Variants in KCTD16 observed in about 807,000 individuals in gnomAD.
The protein encoded by KCTD16 is potassium channel tetramerization domain containing 16.
A neutral mutation model predicts 33.2 loss-of-function variants in KCTD16; 13 were observed. The ratio of observed to expected loss-of-function variants is 0.39; its 90% CI spans 0.25 to 0.62. The LOEUF (loss-of-function observed/expected upper bound fraction) is 0.62. KCTD16 is among the 20% of genes least tolerant of loss of function. The pLI is 0.50. For missense variants in KCTD16, 441 were observed against 525.1 expected (o/e 0.84, Z 1.57); for synonymous variants, 197 against 195.3 (o/e 1.01, Z -0.07).
In KCTD16 at chr5:144,473,988, A is replaced by G; in HGVS notation, c.1161A>G (p.Glu387=). The change falls in exon 4 of 4, where the codon GAA becomes GAG. Residue 387 remains glutamate (E), a synonymous_variant. Coordinates refer to ENST00000512467, the MANE Select transcript of KCTD16 (RefSeq NM_020768.4). ...GCAGCAAAAAAAAAGCTGTTAAAGA[A>G]AAGCTCTCAATTGAGGAGGAGCTGG... ...NMSSKKKAVK[E]KLSIEEELEK... 1 of 1,614,120 alleles carries G rather than the reference A, an allele frequency of 6.2e-7. No individual in the cohort carries two copies. Among genetic ancestry groups the G allele is most frequent in the Admixed American group, 1.7e-5 (1 of 60,028 alleles).
chr5:144,473,579 C>A (rs1754526452), intron 3 of KCTD16, 81 bp from the exon 4 acceptor site: 2 of 1,263,036 alleles, frequency 1.6e-6, no homozygotes, highest in African/African-American at 1.5e-5. Context: ...ATGTGTGTTT[C>A]TGTGTATGTC....
intron 3 of KCTD16, among the ~76,000 whole-genome samples, chr5:144,301,039 G>C (rs757498589): frequency 6.6e-6 from 1 of 151,996 alleles, no homozygotes; most frequent in Non-Finnish European, 1.5e-5. Flanking sequence ...TCAAGAGATC[G>C]AGACCATCCA....
At chr5:144,295,977 T>C (rs1756024293) in intron 3 of KCTD16, among the ~76,000 whole-genome samples, 1 of 152,208 alleles carries the variant, frequency 6.6e-6, no homozygotes, top group Admixed American at 6.5e-5. Flanking sequence ...ACTTCTGACC[T>C]ATAGAGACCT....
chr5:144,381,493 ATCTGCTTGGCT>A lies in KCTD16; in HGVS notation c.833-92163_833-92153del, dbSNP rs1218288186. The stretch of plus-strand genomic sequence containing the variant: ...GCAGGCTTGGAAGCATAGGGCTGGC[ATCTGCTTGGCT>A]TCTAGGGAGGCCTCAGGAAGTTTAC... On this transcript the variant is annotated intron_variant, in intron 3 of 3. Transcript: ENST00000512467. Among the ~76,000 whole-genome samples, 14 of 152,328 alleles carry A rather than the reference ATCTGCTTGGCT, an allele frequency of 9.2e-5. No homozygotes were observed. The East Asian group carries it at 2.7e-3, about 29-fold the overall frequency.
chr5:144,198,592 T>A (rs1434231152), intron 2 of KCTD16, among the ~76,000 whole-genome samples: 2 of 152,212 alleles, frequency 1.3e-5, no homozygotes, highest in Non-Finnish European at 2.9e-5. Context: ...GATTTATTTG[T>A]GAAAAACGCC....
At chr5:144,240,515 G>A (rs1306073924) in intron 3 of KCTD16, among the ~76,000 whole-genome samples, 6 of 152,034 alleles carry the variant, frequency 3.9e-5, no homozygotes, top group Non-Finnish European at 5.9e-5. Context: ...ACAACCAGAG[G>A]ACTTAGTAAA....
chr5:144,203,511 CCT>C (rs1753088807), intron 2 of KCTD16, among the ~76,000 whole-genome samples: 1 of 152,150 alleles, frequency 6.6e-6, no homozygotes, highest in South Asian at 2.1e-4. Flanking sequence ...AAGTGCTGAA[CCT>C]CTCTGTTCCT....
At chr5:144,380,051 A>T (rs1752177005) in intron 3 of KCTD16, among the ~76,000 whole-genome samples, 1 of 152,090 alleles carries the variant, frequency 6.6e-6, no homozygotes, top group Non-Finnish European at 1.5e-5. Context: ...TTCTATACCT[A>T]AAAAATATTC....
chr5:144,464,973 G>C (rs902715035), intron 3 of KCTD16, among the ~76,000 whole-genome samples: 1 of 152,132 alleles, frequency 6.6e-6, no homozygotes, highest in Non-Finnish European at 1.5e-5. Context: ...GTAAATCCCT[G>C]TGATGGAAGG....
chr5:144,455,235 C>T (rs542209438), intron 3 of KCTD16, among the ~76,000 whole-genome samples: 1 of 151,988 alleles, frequency 6.6e-6, no homozygotes, highest in Non-Finnish European at 1.5e-5. Flanking sequence ...GAGAGTCTCA[C>T]CCAACTTCCT....
chr5:144,343,427 C>A (rs1286444929), intron 3 of KCTD16, among the ~76,000 whole-genome samples: 1 of 151,996 alleles, frequency 6.6e-6, no homozygotes, highest in Non-Finnish European at 1.5e-5. Flanking sequence ...TGGTGATATC[C>A]CATTTATCAT....
At chr5:144,378,916 A>G (rs973499799) in intron 3 of KCTD16, among the ~76,000 whole-genome samples, 1 of 152,194 alleles carries the variant, frequency 6.6e-6, no homozygotes, top group African/African-American at 2.4e-5. Flanking sequence ...CATTCGTCAT[A>G]GGAGAAAATG....
At chr5:144,346,640 C>A (rs1049233328) in intron 3 of KCTD16, among the ~76,000 whole-genome samples, 3 of 151,950 alleles carry the variant, frequency 2.0e-5, no homozygotes, top group Non-Finnish European at 2.9e-5. Context: ...CATATGTCTG[C>A]CATTTTTATG....
chr5:144,171,682 A>C (rs930367690), intron 1 of KCTD16, among the ~76,000 whole-genome samples: 1 of 152,290 alleles, frequency 6.6e-6, no homozygotes, highest in South Asian at 2.1e-4. Context: ...GAATTTGTCA[A>C]CCACTCTTCT....
chr5:144,403,007 A>G (rs1752736668), intron 3 of KCTD16, among the ~76,000 whole-genome samples: 2 of 152,146 alleles, frequency 1.3e-5, no homozygotes, highest in Non-Finnish European at 2.9e-5. Flanking sequence ...GGTTGCTGGC[A>G]TTTGTTGGTT....
At chr5:144,392,122 A>G (rs73795529) in intron 3 of KCTD16, among the ~76,000 whole-genome samples, 2,485 of 152,334 alleles carry the variant, frequency 0.016, 60 homozygotes, top group African/African-American at 0.056. Context: ...GAAGGAAACA[A>G]ACGGTGTGGG....
chr5:144,358,630 A>G (rs2126913931), intron 3 of KCTD16, among the ~76,000 whole-genome samples: 1 of 152,250 alleles, frequency 6.6e-6, no homozygotes, highest in Non-Finnish European at 1.5e-5. Context: ...CTTTCAGGCT[A>G]CCAAACCACA....
At chr5:144,397,388 G>T (rs1460779557) in intron 3 of KCTD16, among the ~76,000 whole-genome samples, 1 of 152,056 alleles carries the variant, frequency 6.6e-6, no homozygotes, top group Non-Finnish European at 1.5e-5. Context: ...AAACATACGT[G>T]TGCATATGTC....
At chr5:144,330,578 C>G (rs1752334073) in intron 3 of KCTD16, among the ~76,000 whole-genome samples, 1 of 151,950 alleles carries the variant, frequency 6.6e-6, no homozygotes, top group Admixed American at 6.6e-5. Context: ...AAATGAGTAA[C>G]ATTTAATTCC....
Sources: allele counts gnomAD v4.1 joint callset (sites outside exome capture counted in the v4.1 genomes callset), GRCh38; gene constraint gnomAD v4.1.1; transcripts MANE v1.5; gene names NCBI Gene and HGNC (gene_info 2026-07-23, HGNC 2026-07-21).